The following ATP8A2 variants were observed in gnomAD, a reference collection of about 807,000 sequenced individuals.
ATP8A2 encodes the protein phospholipid-transporting ATPase IB.
Under a neutral mutation model 165.6 loss-of-function variants are expected in ATP8A2, and 100 were observed. The ratio of observed to expected loss-of-function variants is 0.60; its 90% confidence interval spans 0.51 to 0.71. The LOEUF is 0.71. Ranked by LOEUF, ATP8A2 falls within the 30% of genes least tolerant of loss-of-function variation. The pLI, the probability that ATP8A2 is intolerant of heterozygous loss-of-function variation, is 0.00. For synonymous variants in ATP8A2, 543 were observed against 548.8 expected, an observed-to-expected ratio of 0.99 and a Z score of 0.15; for missense variants, 1,227 against 1,479.5, an observed-to-expected ratio of 0.83 and a Z score of 2.80.
intron 19 of ATP8A2, among the ~76,000 whole-genome samples, chr13:25,575,838 G>T (rs2039601805): frequency 6.6e-6 from 1 of 152,104 alleles, no homozygotes; most frequent in Admixed American, 6.5e-5. Context: ...ACTGTGCAGT[G>T]CCCTGTGATT....
rs147435297 is a variant in ATP8A2, at chr13:25,771,741, C to T, written c.2568+2512C>T. On this transcript the variant is annotated intron_variant, in intron 26 of 36. Coordinates refer to ENST00000381655, the MANE Select transcript of ATP8A2 (RefSeq NM_016529.6). ...TTTCTCCTGTCCATGGTCCTATTGC[C>T]GATTAGGTGGGGATGCTGTTACTTC... Among the ~76,000 whole-genome samples, 191 of 152,242 alleles carry T rather than the reference C, an allele frequency of 1.3e-3. 1 individual carries two copies. Among genetic ancestry groups the T allele is most frequent in the African/African-American group, 4.4e-3 (184 of 41,532 alleles).
chr13:25,791,528 A>AACAC (rs67701751), intron 27 of ATP8A2, among the ~76,000 whole-genome samples: 70 of 102,098 alleles, frequency 6.9e-4, no homozygotes, highest in Middle Eastern at 4.8e-3. Flanking sequence ...CCCGAACTTA[A>AACAC]ACACACACAC....
intron 1 of ATP8A2, among the ~76,000 whole-genome samples, chr13:25,391,132 G>T (rs546691201): frequency 2.3e-4 from 35 of 152,238 alleles, no homozygotes; most frequent in Non-Finnish European, 3.5e-4. Flanking sequence ...ATGGCATAAG[G>T]CAGAACAGAA....
At chr13:25,418,605 A>G (rs1357024806) in intron 1 of ATP8A2, among the ~76,000 whole-genome samples, 3 of 152,226 alleles carry the variant, frequency 2.0e-5, no homozygotes, top group Non-Finnish European at 4.4e-5. Flanking sequence ...GAATGAAATG[A>G]ATGTGCAAAT....
intron 24 of ATP8A2, among the ~76,000 whole-genome samples, chr13:25,665,243 C>A (rs938245186): frequency 6.6e-6 from 1 of 152,150 alleles, no homozygotes; most frequent in African/African-American, 2.4e-5. Context: ...AGGATTATAT[C>A]AACCTGTCTC....
chr13:25,892,101 G>T (rs572779995), intron 33 of ATP8A2, among the ~76,000 whole-genome samples: 3 of 151,216 alleles, frequency 2.0e-5, no homozygotes, highest in Non-Finnish European at 4.4e-5. Flanking sequence ...TCAGCCTCCC[G>T]AGTAACTGGG....
rs1344033841 is a variant in ATP8A2, at chr13:25,953,098, A to G, written c.3184-8477A>G. On this transcript the variant is annotated intron_variant, in intron 33 of 36. Transcript: ENST00000381655. This position sits in a 1 kb window ranked among gnomAD's most constrained non-coding sequence, Gnocchi z 6.7. ...TTCTTCCAAATCCGATTGTCCTGAC[A>G]GGTTTTGTTTTATTTTGTTGTTGTG... is the stretch of plus-strand genomic sequence containing the variant. Among the ~76,000 whole-genome samples, 2 of 152,216 alleles carry G rather than the reference A, an allele frequency of 1.3e-5. No homozygotes were observed. Among genetic ancestry groups the G allele is most frequent in the East Asian group, 3.9e-4 (2 of 5,188 alleles).
chr13:25,864,609 T>C (rs570383345), intron 33 of ATP8A2, among the ~76,000 whole-genome samples: 14 of 152,370 alleles, frequency 9.2e-5, no homozygotes, highest in African/African-American at 3.4e-4. Context: ...AGTGATCATA[T>C]TCAACCACAT....
chr13:25,762,043 C>T (rs1447946835), intron 25 of ATP8A2, among the ~76,000 whole-genome samples: 1 of 151,854 alleles, frequency 6.6e-6, no homozygotes, highest in Non-Finnish European at 1.5e-5. Context: ...AGGCAGATCA[C>T]CTGAGGTCAG....
At chr13:25,807,410 A>G (rs1950766485) in intron 27 of ATP8A2, among the ~76,000 whole-genome samples, 1 of 152,138 alleles carries the variant, frequency 6.6e-6, no homozygotes, top group African/African-American at 2.4e-5. Flanking sequence ...GTTGATATAT[A>G]GTTGTACCAG....
At chr13:25,983,886 A>G (rs1304355653) in intron 35 of ATP8A2, among the ~76,000 whole-genome samples, 1 of 152,120 alleles carries the variant, frequency 6.6e-6, no homozygotes, top group African/African-American at 2.4e-5. Flanking sequence ...GGAAAATTAG[A>G]ATTCCCAAGC....
intron 15 of ATP8A2, 86 bp from the exon 16 acceptor site, chr13:25,563,870 C>T: frequency 1.1e-6 from 1 of 892,040 alleles, no homozygotes; most frequent in Non-Finnish European, 1.9e-6. Flanking sequence ...AGGTATGGTT[C>T]TTCTTGAAGG....
intron 24 of ATP8A2, among the ~76,000 whole-genome samples, chr13:25,646,438 G>A (rs1051434380): frequency 2.6e-5 from 4 of 151,958 alleles, no homozygotes; most frequent in Non-Finnish European, 5.9e-5. Flanking sequence ...ATCACGAGGC[G>A]AGGTCAGGAG....
chr13:25,576,987 T>G, intron 19 of ATP8A2, 82 bp from the exon 20 acceptor site: 3 of 1,129,174 alleles, frequency 2.7e-6, no homozygotes, highest in Non-Finnish European at 4.0e-6. Flanking sequence ...CCAGACCCCC[T>G]TTTGTTTTGA....
At chr13:25,676,198 G>C (rs1399711822) in intron 24 of ATP8A2, among the ~76,000 whole-genome samples, 1 of 152,240 alleles carries the variant, frequency 6.6e-6, no homozygotes, top group Admixed American at 6.5e-5. Context: ...TTTCAAATTA[G>C]AGAATATGTT....
At chr13:25,874,654 C>G (rs1472080095) in intron 33 of ATP8A2, among the ~76,000 whole-genome samples, 1 of 152,110 alleles carries the variant, frequency 6.6e-6, no homozygotes, top group African/African-American at 2.4e-5. Flanking sequence ...GAAAACAGCA[C>G]GGAGGTGGCT....
chr13:25,515,486 G>A (rs2137806672), intron 2 of ATP8A2, among the ~76,000 whole-genome samples: 2 of 152,346 alleles, frequency 1.3e-5, no homozygotes, highest in East Asian at 3.9e-4. Flanking sequence ...CCCTCTTGTG[G>A]GCTTCTCTCT....
chr13:25,720,405 G>A (rs572420165), intron 25 of ATP8A2, among the ~76,000 whole-genome samples: 147 of 151,936 alleles, frequency 9.7e-4, no homozygotes, highest in African/African-American at 3.1e-3. Flanking sequence ...CTTGTGATCC[G>A]CCTGCCTCGG....
At chr13:25,664,008 A>G (rs2042101580) in intron 24 of ATP8A2, among the ~76,000 whole-genome samples, 3 of 152,112 alleles carry the variant, frequency 2.0e-5, no homozygotes, top group Admixed American at 6.5e-5. Flanking sequence ...CAGGAGTTTG[A>G]GACCAGCCTG....
Sources: allele counts gnomAD v4.1 joint callset (sites outside exome capture counted in the v4.1 genomes callset), GRCh38; gene constraint gnomAD v4.1.1; non-coding constraint Gnocchi (gnomAD v3.1); transcripts MANE v1.5; gene names NCBI Gene and HGNC (gene_info 2026-07-23, HGNC 2026-07-21).